Variants in SERINC5 observed in about 807,000 individuals in gnomAD.
The protein encoded by SERINC5 is serine incorporator 5, also known as chromosome 5 open reading frame 12.
Under a neutral mutation model 63.1 loss-of-function variants are expected in SERINC5, and 41 were observed. The ratio of observed to expected loss-of-function variants is 0.65; its 90% CI spans 0.51 to 0.84. The LOEUF (loss-of-function observed/expected upper bound fraction) is 0.84, where lower values mean the gene tolerates loss of function less well. Among genes scored for constraint, SERINC5 ranks in the 40% least tolerant of loss-of-function variants. The pLI is 0.00. For synonymous variants in SERINC5, 222 were observed against 215.2 expected (o/e 1.03, Z -0.28); for missense variants, 523 against 573.0 (o/e 0.91, Z 0.89).
intron 8 of SERINC5, 87 bp from the exon 9 acceptor site, chr5:80,151,035 G>A (rs755374636): frequency 2.2e-5 from 20 of 918,548 alleles, no homozygotes; most frequent in Non-Finnish European, 3.5e-5. Flanking sequence ...CCAGTGCTCC[G>A]ACGAGAGCCT....
intron 1 of SERINC5, among the ~76,000 whole-genome samples, chr5:80,218,501 T>C (rs756652887): frequency 2.1e-4 from 32 of 151,984 alleles, no homozygotes; most frequent in Non-Finnish European, 4.1e-4. Context: ...GATTGCATTA[T>C]TGCACTCCAG....
At chr5:80,137,723 C>T (rs2112273057), downstream of SERINC5, among the ~76,000 whole-genome samples, 1 of 151,320 alleles carries the variant, frequency 6.6e-6, no homozygotes, top group South Asian at 2.1e-4. Context: ...AGGATGATTG[C>T]TTGAGGTCGG....
intron 11 of SERINC5, chr5:80,128,373 A>G (rs1458206824): frequency 1.3e-5 from 2 of 152,256 alleles, no homozygotes; most frequent in Non-Finnish European, 2.9e-5. Context: ...ATCCACAGTA[A>G]TCTTTGACCT....
chr5:80,186,926 C>T (rs1411045995), intron 2 of SERINC5, among the ~76,000 whole-genome samples: 1 of 151,964 alleles, frequency 6.6e-6, no homozygotes, highest in African/African-American at 2.4e-5. Flanking sequence ...GAGGCCAAGG[C>T]GGGCGGACTG....
chr5:80,173,193 A>G (rs1747772398), intron 5 of SERINC5, among the ~76,000 whole-genome samples: 1 of 151,638 alleles, frequency 6.6e-6, no homozygotes. Context: ...AAGGAAAAGG[A>G]AAAGGAAAGG....
At chr5:80,219,172 G>GGCATGGGCCCTT (rs1233554122) in intron 1 of SERINC5, among the ~76,000 whole-genome samples, 1 of 152,188 alleles carries the variant, frequency 6.6e-6, no homozygotes, top group East Asian at 1.9e-4. Flanking sequence ...GGGAAAGGGA[G>GGCATGGGCCCTT]GCATGGGCCC....
chr5:80,226,490 TC>T (rs1210664912), intron 1 of SERINC5, among the ~76,000 whole-genome samples: 1 of 151,954 alleles, frequency 6.6e-6, no homozygotes, highest in Non-Finnish European at 1.5e-5. Context: ...TTTTGACCCC[TC>T]CTCCACCTAC....
At position 80,177,987 on chromosome 5, in the gene SERINC5, C is replaced by T. The variant is rs755341010; in HGVS notation, c.273G>A (p.Val91=). The change falls in exon 3 of 12, where the codon GTG becomes GTA. Residue 91 remains valine, a synonymous_variant. Coordinates refer to ENST00000507668, the MANE Select transcript of SERINC5 (RefSeq NM_001174072.3). ...TCEKLVGYSA[V]YRVCFGMACF... The stretch of plus-strand genomic sequence containing the variant: ...AAGCCATTCCAAAACAGACTCTATA[C>T]ACGGCAGAATATCCCACCAGCTTCT... 2 of 1,612,586 alleles carry T rather than the reference C, an allele frequency of 1.2e-6. No individual in the cohort carries two copies.
At position 80,147,225 on chromosome 5, in the gene SERINC5, A is replaced by G; in HGVS notation, c.1093+20T>C. 6.3e-7 allele frequency: 1 copy of G among 1,584,062 alleles called. No individual in the cohort carries two copies. Among genetic ancestry groups the G allele is most frequent in the Non-Finnish European group, 8.6e-7 (1 of 1,168,150 alleles). On this transcript the variant is annotated intron_variant, in intron 10 of 11. Transcript: ENST00000507668. The stretch of plus-strand genomic sequence containing the variant: ...TCTGCAGTGCCACACAGGTGCAAAG[A>G]ATAAAAGCGCTCTGCTTACCCTCTC...
Position 80,129,645 on chromosome 5 carries a change from A to G in SERINC5, c.1239-16020T>C, listed in dbSNP as rs1038662289. 1.2e-4 allele frequency among the ~76,000 whole-genome samples: 18 copies of G among 152,320 alleles called. No homozygotes were observed. The East Asian group carries it at 2.5e-3, about 21-fold the overall frequency. ...AATTATTTTTTACAAGGCATTCAGA[A>G]CACATTCAATAAGATATTTTTCTAC... On this transcript the variant is annotated intron_variant, in intron 11 of 12. Transcript: ENST00000509193.
chr5:80,137,186 G>T (rs907401951), downstream of SERINC5, among the ~76,000 whole-genome samples: 1 of 136,228 alleles, frequency 7.3e-6, no homozygotes, highest in Admixed American at 7.6e-5. Flanking sequence ...CTAAAAACCT[G>T]AAAGTAGAAA....
chr5:80,232,403 CA>C (rs34608066), intron 1 of SERINC5, among the ~76,000 whole-genome samples: 49,820 of 125,998 alleles, frequency 0.4, 8,566 homozygotes, highest in Admixed American at 0.49. Context: ...GACTCTGTCT[CA>C]AAGAAAAAAA....
At chr5:80,198,438 C>T (rs9293805) in intron 2 of SERINC5, 134,006 of 793,990 alleles carry the variant, frequency 0.17, 11,917 homozygotes, top group Admixed American at 0.2. Flanking sequence ...CATTCTGCAA[C>T]CAAGGCAAAA....
intron 2 of SERINC5, among the ~76,000 whole-genome samples, chr5:80,201,297 G>A (rs966857144): frequency 2.0e-5 from 3 of 152,276 alleles, no homozygotes; most frequent in Admixed American, 6.5e-5. Flanking sequence ...CGGAGTGGTC[G>A]GTTTGTAAGG....
chr5:80,137,168 A>C (rs1266515498), downstream of SERINC5, among the ~76,000 whole-genome samples: 4 of 148,830 alleles, frequency 2.7e-5, no homozygotes, highest in Non-Finnish European at 4.5e-5. Context: ...AAAAAACAAA[A>C]AAAACACCTA....
chr5:80,136,201 T>C (rs1745165075), downstream of SERINC5, among the ~76,000 whole-genome samples: 1 of 152,086 alleles, frequency 6.6e-6, no homozygotes, highest in Admixed American at 6.5e-5. Context: ...AACAATCACT[T>C]GAGCTCAGGA....
chr5:80,116,205 A>G (rs942998431), intron 11 of SERINC5: 19 of 435,816 alleles, frequency 4.4e-5, no homozygotes, highest in Non-Finnish European at 8.7e-5. Context: ...GCTGTATTCA[A>G]TCATCTTTTC....
chr5:80,178,292 A>T (rs1459505548), intron 2 of SERINC5, among the ~76,000 whole-genome samples: 6 of 151,998 alleles, frequency 3.9e-5, no homozygotes, highest in Non-Finnish European at 7.4e-5. Flanking sequence ...GCCCCAAATG[A>T]CTTCTGAAAT....
Position 80,140,156 on chromosome 5 carries a change from C to CA in SERINC5, c.*3506dup. 2.7e-6 allele frequency: 2 copies of CA among 737,200 alleles called. No individual in the cohort carries two copies. The highest frequency in any genetic ancestry group is 3.3e-6 in the Non-Finnish European group (2 of 604,112). The allele number at this position is 737,200 out of a possible 1,614,324, so 45.7% of individuals were successfully genotyped here. A position where few individuals can be genotyped will look rare whatever the true frequency, so the allele number is the denominator to read the frequency against. The stretch of plus-strand genomic sequence containing the variant: ...ACCAGCCTGGACAACCCCATCTCTA[C>CA]AAAAAAATAAAAATCGGCCAGGTGT... On this transcript the variant is annotated 3_prime_UTR_variant, in exon 12 of 12. Coordinates refer to ENST00000507668, the MANE Select transcript of SERINC5 (RefSeq NM_001174072.3).
Sources: gnomAD v4.1 joint callset for allele counts (sites outside exome capture counted in the v4.1 genomes callset) on GRCh38, gnomAD v4.1.1 for gene constraint, MANE v1.5 for transcripts, NCBI Gene and HGNC (gene_info 2026-07-23, HGNC 2026-07-21) for gene names.